NKAPL: variants seen among roughly 807,000 people sequenced by gnomAD.
NKAPL encodes NKAP-like protein.
In NKAPL, 7 loss-of-function variants were observed where a neutral mutation model predicts 14.7. The ratio of observed to expected loss-of-function variants is 0.48; its 90% CI spans 0.27 to 0.89. The LOEUF is 0.89. NKAPL is among the 40% of genes least tolerant of loss of function. The pLI is 0.12. For synonymous variants in NKAPL, 192 were observed against 179.9 expected (o/e 1.07, Z -0.54); for missense variants, 466 against 494.1 (o/e 0.94, Z 0.54).
chr6:28,259,344 G>A lies in NKAPL; in HGVS notation c.-28G>A, dbSNP rs1206344352. The A allele has an allele frequency of 1.4e-5, 22 of 1,527,152 alleles. No individual in the cohort carries two copies. The highest frequency in any genetic ancestry group is 1.7e-5 in the Non-Finnish European group (19 of 1,133,996). 94.6% of individuals were successfully genotyped at this position (1,527,152 alleles called of 1,614,324 possible). On this transcript the variant is annotated 5_prime_UTR_variant, in exon 1 of 1. Coordinates refer to ENST00000343684, the MANE Select transcript of NKAPL (RefSeq NM_001007531.3). ...TCACCAGCCAGCCTCTGGGTCTGTA[G>A]CAACCGCCCAGCGTTGAGGCGCGGC...
chr6:28,260,721 G>T lies in NKAPL; in HGVS notation c.*141G>T. ...AGCTTCTTTTGAGATATCTTTAGCA[G>T]CTTATTTTTTGTTATTTTAACTTTA... On this transcript the variant is annotated 3_prime_UTR_variant, in exon 1 of 1. Transcript: ENST00000343684. 1 of 1,023,068 alleles carries T rather than the reference G, an allele frequency of 9.8e-7. No homozygotes were observed. The highest frequency in any genetic ancestry group is 1.4e-6 in the Non-Finnish European group (1 of 731,116). The allele number at this position is 1,023,068 out of a possible 1,614,324, so 63.4% of individuals were successfully genotyped here. A position where few individuals can be genotyped will look rare whatever the true frequency, so the allele number is the denominator to read the frequency against.
In NKAPL at chr6:28,259,339, C is replaced by CTGTAGCAACCGCCCAGCGT. The variant is rs1324785450; in HGVS notation, c.-30_-12dup. The CTGTAGCAACCGCCCAGCGT allele has an allele frequency of 6.6e-7, 1 of 1,522,134 alleles. No individual in the cohort carries two copies. The highest frequency in any genetic ancestry group is 2.0e-5 in the Admixed American group (1 of 49,764). 94.3% of individuals were successfully genotyped at this position (1,522,134 alleles called of 1,614,324 possible). On this transcript the variant is annotated 5_prime_UTR_variant, in exon 1 of 1. Coordinates refer to ENST00000343684, the MANE Select transcript of NKAPL (RefSeq NM_001007531.3). ...GCGAATCACCAGCCAGCCTCTGGGT[C>CTGTAGCAACCGCCCAGCGT]TGTAGCAACCGCCCAGCGTTGAGGC...
rs1761330926 is a variant in NKAPL at position 28,260,772 on chromosome 6, A to T, written c.*192A>T. 3.3e-6 allele frequency: 2 copies of T among 601,330 alleles called. No homozygotes were observed. The highest frequency in any genetic ancestry group is 5.5e-6 in the Non-Finnish European group (2 of 361,226). The allele number at this position is 601,330 out of a possible 1,614,324, so 37.2% of individuals were successfully genotyped here. A position where few individuals can be genotyped will look rare whatever the true frequency, so the allele number is the denominator to read the frequency against. On this transcript the variant is annotated 3_prime_UTR_variant, in exon 1 of 1. Coordinates refer to ENST00000343684, the MANE Select transcript of NKAPL (RefSeq NM_001007531.3). ...AAAAGTAATATGTGCACATGGTTTT[A>T]AAAATATTCAACCATTATAGGAGGA...
rs1561867830 is a variant in NKAPL at position 28,260,034 on chromosome 6, G to GA, written c.664dup (p.Arg222LysfsTer3). On this transcript the variant is annotated frameshift_variant, in exon 1 of 1. Transcript: ENST00000343684. LOFTEE classifies it low-confidence loss of function (END_TRUNC). Reference sequence around the variant, plus strand: ...ATTCTGACTCTGATGATGATAAAAAGAGAGTTAAAGCCAAGAAGAAAAAGA... The same window carrying GA: ...ATTCTGACTCTGATGATGATAAAAAGAAGAGTTAAAGCCAAGAAGAAAAAGA... 1 of 1,592,514 alleles carries GA rather than the reference G, an allele frequency of 6.3e-7. No individual in the cohort carries two copies. The highest frequency in any genetic ancestry group is 1.4e-5 in the African/African-American group (1 of 73,266).
chr6:28,260,343 T>G lies in NKAPL; in HGVS notation c.972T>G (p.Ile324Met). ...AGCGAATCCCACGAAGAGGTGAAATTGGGTTGACAAGTGAAGAGATCGGTT... is the reference window on the plus strand; with the variant it reads ...AGCGAATCCCACGAAGAGGTGAAATGGGGTTGACAAGTGAAGAGATCGGTT... ...AGKRIPRRGE[I>M]GLTSEEIGSF... The change falls in exon 1 of 1, where the codon ATT (isoleucine) becomes ATG (methionine). Residue 324 changes from isoleucine to methionine, a missense_variant. Coordinates refer to ENST00000343684, the MANE Select transcript of NKAPL (RefSeq NM_001007531.3). 6.2e-7 allele frequency: 1 copy of G among 1,614,134 alleles called. No homozygotes were observed. The highest frequency in any genetic ancestry group is 2.2e-5 in the East Asian group (1 of 44,866).
chr6:28,259,805 A>G lies in NKAPL; in HGVS notation c.434A>G (p.Gln145Arg), dbSNP rs772013725. 1.5e-5 allele frequency: 24 copies of G among 1,614,096 alleles called. 1 individual carries two copies. In the South Asian group the frequency reaches 2.3e-4, roughly 16 times the overall value. ...TGGGGGCCGTCTCCAAAGTTCCCTC[A>G]GCTAGATTCTGACGAACATACCCCA... is the stretch of plus-strand genomic sequence containing the variant. The part of the protein sequence containing the change: ...EVWGPSPKFP[Q>R]LDSDEHTPVE... Residue 145 changes from glutamine to arginine, a missense_variant, in exon 1 of 1, where the codon CAG becomes CGG. By Grantham distance (43) the Gln-to-Arg change is conservative. Transcript: ENST00000343684.
In NKAPL at chr6:28,259,717, A is replaced by G; in HGVS notation, c.346A>G (p.Ser116Gly). Residue 116 changes from serine to glycine, a missense_variant, in exon 1 of 1, where the codon AGC becomes GGC. By Grantham distance (56) the Ser-to-Gly change is moderately conservative. Coordinates refer to ENST00000343684, the MANE Select transcript of NKAPL (RefSeq NM_001007531.3). Reference protein sequence around the residue: ...QSAEDYEKEESHRQRRLKERE... With the variant: ...QSAEDYEKEEGHRQRRLKERE... ...AGCGGAAGACTACGAGAAGGAAGAGAGCCATCGGCAGAGGAGGCTGAAGGA... is the reference window on the plus strand; with the variant it reads ...AGCGGAAGACTACGAGAAGGAAGAGGGCCATCGGCAGAGGAGGCTGAAGGA... 6.2e-7 allele frequency: 1 copy of G among 1,614,204 alleles called. No homozygotes were observed. The highest frequency in any genetic ancestry group is 8.5e-7 in the Non-Finnish European group (1 of 1,180,044).
In NKAPL at chr6:28,259,875, A is replaced by G; in HGVS notation, c.504A>G (p.Ser168=). 1 of 1,614,112 alleles carries G rather than the reference A, an allele frequency of 6.2e-7. No individual in the cohort carries two copies. Among genetic ancestry groups the G allele is most frequent in the Non-Finnish European group, 8.5e-7 (1 of 1,180,042 alleles). Reference sequence around the variant, plus strand: ...TAACGCATCAGAAAAGCAGCAGTTCAGATTCCAACTCGGAAGAACATAGGA... The same window carrying G: ...TAACGCATCAGAAAAGCAGCAGTTCGGATTCCAACTCGGAAGAACATAGGA... ...EEVTHQKSSS[S]DSNSEEHRKK... is the part of the protein sequence containing the mutation. The change falls in exon 1 of 1, where the codon TCA becomes TCG. Residue 168 remains serine, a synonymous_variant. Transcript: ENST00000343684.
chr6:28,259,770 G>T lies in NKAPL; in HGVS notation c.399G>T (p.Ala133=). 3 of 1,614,176 alleles carry T rather than the reference G, an allele frequency of 1.9e-6. No homozygotes were observed. Among genetic ancestry groups the T allele is most frequent in the East Asian group, 4.5e-5 (2 of 44,878 alleles). Residue 133 remains alanine (A), a synonymous_variant, in exon 1 of 1, where the codon GCG becomes GCT. Coordinates refer to ENST00000343684, the MANE Select transcript of NKAPL (RefSeq NM_001007531.3). ...KERERIGELG[A]PEVWGPSPKF... is the part of the protein sequence containing the mutation. The stretch of plus-strand genomic sequence containing the variant: ...GAGAGAGGATTGGGGAATTGGGAGC[G>T]CCTGAAGTGTGGGGGCCGTCTCCAA...
In NKAPL at chr6:28,259,327, C is replaced by A; in HGVS notation, c.-45C>A. ...GCCTGCGTGGCCGCGAATCACCAGC[C>A]AGCCTCTGGGTCTGTAGCAACCGCC... On this transcript the variant is annotated 5_prime_UTR_variant, in exon 1 of 1. Coordinates refer to ENST00000343684, the MANE Select transcript of NKAPL (RefSeq NM_001007531.3). 1 of 1,480,076 alleles carries A rather than the reference C, an allele frequency of 6.8e-7. No homozygotes were observed. The highest frequency in any genetic ancestry group is 2.3e-5 in the East Asian group (1 of 42,658). 91.7% of individuals were successfully genotyped at this position (1,480,076 alleles called of 1,614,324 possible). A position where few individuals can be genotyped will look rare whatever the true frequency, so the allele number is the denominator to read the frequency against.
chr6:28,259,562 A>T lies in NKAPL; in HGVS notation c.191A>T (p.Tyr64Phe), dbSNP rs545250911. 6.4e-5 allele frequency: 104 copies of T among 1,613,866 alleles called. 2 individuals are homozygous for T. The South Asian group carries it at 9.7e-4, about 15-fold the overall frequency. Residue 64 changes from tyrosine (Y) to phenylalanine (F), a missense_variant, in exon 1 of 1, where the codon TAC (tyrosine) becomes TTC (phenylalanine). Tyr to Phe is a conservative substitution (Grantham distance 22, BLOSUM62 3). Coordinates refer to ENST00000343684, the MANE Select transcript of NKAPL (RefSeq NM_001007531.3). ...PWSELDVGAL[Y>F]PFSRSGSRGR... ...AGTGAGTTGGACGTGGGCGCTCTTT[A>T]CCCCTTTAGTCGCTCTGGGTCGCGA...
At position 28,259,321 on chromosome 6, in the gene NKAPL, A is replaced by G. The variant is rs1427483279; in HGVS notation, c.-51A>G. ...TAGTGCGCCTGCGTGGCCGCGAATC[A>G]CCAGCCAGCCTCTGGGTCTGTAGCA... On this transcript the variant is annotated 5_prime_UTR_variant, in exon 1 of 1. Transcript: ENST00000343684. 8.9e-6 allele frequency: 13 copies of G among 1,467,686 alleles called. No homozygotes were observed. The African/African-American group carries it at 9.9e-5, about 11-fold the overall frequency. 90.9% of individuals were successfully genotyped at this position (1,467,686 alleles called of 1,614,324 possible). A position where few individuals can be genotyped will look rare whatever the true frequency, so the allele number is the denominator to read the frequency against.
In NKAPL at chr6:28,260,034, G is replaced by C. The variant is rs903464176; in HGVS notation, c.663G>C (p.Lys221Asn). The change falls in exon 1 of 1, where the codon AAG becomes AAC. Residue 221 changes from lysine (K) to asparagine (N), a missense_variant. Lys to Asn is a moderately conservative substitution (Grantham distance 94). Coordinates refer to ENST00000343684, the MANE Select transcript of NKAPL (RefSeq NM_001007531.3). ...ATTCTGACTCTGATGATGATAAAAAGAGAGTTAAAGCCAAGAAGAAAAAGA... is the reference window on the plus strand; with the variant it reads ...ATTCTGACTCTGATGATGATAAAAACAGAGTTAAAGCCAAGAAGAAAAAGA... Reference protein sequence around the residue: ...DTNSDSDDDKKRVKAKKKKKK... With the variant: ...DTNSDSDDDKNRVKAKKKKKK... The C allele has an allele frequency of 3.1e-6, 5 of 1,592,514 alleles. No homozygotes were observed. The highest frequency in any genetic ancestry group is 3.7e-5 in the Admixed American group (2 of 54,166).
In NKAPL at chr6:28,259,529, C is replaced by A. The variant is rs1581598392; in HGVS notation, c.158C>A (p.Pro53His). 1 of 1,614,232 alleles carries A rather than the reference C, an allele frequency of 6.2e-7. No individual in the cohort carries two copies. Residue 53 changes from proline to histidine, a missense_variant, in exon 1 of 1, where the codon CCT becomes CAT. By Grantham distance (77) the Pro-to-His change is moderately conservative (BLOSUM62 -2). Transcript: ENST00000343684. ...TCCCGCGGCCGTGAGGGCCTCAGGC[C>A]TCCTTGGAGTGAGTTGGACGTGGGC... is the stretch of plus-strand genomic sequence containing the variant. The part of the protein sequence containing the change: ...SHSRGREGLR[P>H]PWSELDVGAL...
At position 28,259,673 on chromosome 6, in the gene NKAPL, A is replaced by T. The variant is rs1424769346; in HGVS notation, c.302A>T (p.Tyr101Phe). ...YSGYRYHRHC[Y>F]AEERQSAEDY... Reference sequence around the variant, plus strand: ...GGATATCGCTACCATCGTCACTGCTATGCAGAAGAACGGCAGTCAGCGGAA... The same window carrying T: ...GGATATCGCTACCATCGTCACTGCTTTGCAGAAGAACGGCAGTCAGCGGAA... Residue 101 changes from tyrosine to phenylalanine, a missense_variant, in exon 1 of 1, where the codon TAT becomes TTT. Coordinates refer to ENST00000343684, the MANE Select transcript of NKAPL (RefSeq NM_001007531.3). The T allele has an allele frequency of 1.2e-6, 2 of 1,614,126 alleles. No homozygotes were observed. The highest frequency in any genetic ancestry group is 1.7e-6 in the Non-Finnish European group (2 of 1,180,050).
rs769483705 is a variant in NKAPL, at chr6:28,260,369, C to G, written c.998C>G (p.Ser333Cys). 3.1e-6 allele frequency: 5 copies of G among 1,614,112 alleles called. No individual in the cohort carries two copies. The highest frequency in any genetic ancestry group is 1.6e-4 in the Middle Eastern group (1 of 6,062). ...GGGTTGACAAGTGAAGAGATCGGTTCTTTTGAATGCTCAGGTTATGTCATG... is the reference window on the plus strand; with the variant it reads ...GGGTTGACAAGTGAAGAGATCGGTTGTTTTGAATGCTCAGGTTATGTCATG... ...EIGLTSEEIG[S>C]FECSGYVMSG... is the part of the protein sequence containing the mutation. The change falls in exon 1 of 1, where the codon TCT becomes TGT. Residue 333 changes from serine (S) to cysteine (C), a missense_variant. Ser to Cys is a moderately radical substitution (Grantham distance 112). Transcript: ENST00000343684.
At position 28,260,531 on chromosome 6, in the gene NKAPL, G is replaced by A. The variant is rs761201611; in HGVS notation, c.1160G>A (p.Ser387Asn). The change falls in exon 1 of 1, where the codon AGT (serine) becomes AAT (asparagine). Residue 387 changes from serine (S) to asparagine (N), a missense_variant. Transcript: ENST00000343684. ...AAGAGAGAAAGTAAGATTTTAGCCA[G>A]TTTCCGAGAGATGGTGCACAAAAAG... ...RRKRESKILA[S>N]FREMVHKKTK... The A allele has an allele frequency of 3.7e-6, 6 of 1,613,958 alleles. No individual in the cohort carries two copies. The African/African-American group carries it at 4.0e-5, about 11-fold the overall frequency.
Position 28,260,721 on chromosome 6 carries a change from G to A in NKAPL, c.*141G>A. The A allele has an allele frequency of 2.0e-6, 2 of 1,023,068 alleles. No homozygotes were observed. The highest frequency in any genetic ancestry group is 1.4e-6 in the Non-Finnish European group (1 of 731,116). 63.4% of individuals were successfully genotyped at this position (1,023,068 alleles called of 1,614,324 possible). A position where few individuals can be genotyped will look rare whatever the true frequency, so the allele number is the denominator to read the frequency against. ...AGCTTCTTTTGAGATATCTTTAGCA[G>A]CTTATTTTTTGTTATTTTAACTTTA... On this transcript the variant is annotated 3_prime_UTR_variant, in exon 1 of 1. Transcript: ENST00000343684.
rs577596223 is a variant in NKAPL, at chr6:28,260,130, T to C, written c.759T>C (p.Cys253=). ...AAAAAGAATCCAGTGACTCAAGCTG[T>C]AAAGACTCAGAAGAGGACTTGTCAG... is the stretch of plus-strand genomic sequence containing the variant. ...KTKKESSDSS[C]KDSEEDLSEA... is the part of the protein sequence containing the mutation. The change falls in exon 1 of 1, where the codon TGT becomes TGC. Residue 253 remains cysteine, a synonymous_variant. Coordinates refer to ENST00000343684, the MANE Select transcript of NKAPL (RefSeq NM_001007531.3). 1.1e-5 allele frequency: 17 copies of C among 1,607,396 alleles called. No individual in the cohort carries two copies. In the African/African-American group the frequency reaches 2.0e-4, roughly 19 times the overall value.
Sources: allele counts gnomAD v4.1 joint callset, GRCh38; gene constraint gnomAD v4.1.1; transcripts MANE v1.5; gene names NCBI Gene and HGNC (gene_info 2026-07-23, HGNC 2026-07-21).